The following CDO1 variants were observed in gnomAD, a reference collection of about 807,000 sequenced individuals.
The protein encoded by CDO1 is cysteine dioxygenase, type I.
CDO1 carries 19 observed loss-of-function variants against 24.5 expected under a neutral mutation model. That is an observed-to-expected ratio of 0.77 (90% CI 0.54 to 1.14). The LOEUF (loss-of-function observed/expected upper bound fraction) is 1.14. Among genes scored for constraint, CDO1 ranks in the 50% most tolerant of loss-of-function variants. CDO1 has a pLI of 0.00. For synonymous variants in CDO1, 91 were observed against 87.0 expected (o/e 1.05, Z -0.26); for missense variants, 244 against 244.8 (o/e 1.00, Z 0.02).
intron 3 of CDO1, chr5:115,809,808 T>C (rs1205959377): frequency 2.0e-5 from 3 of 152,216 alleles, no homozygotes; most frequent in South Asian, 2.1e-4. Context: ...CAAAATTTCA[T>C]ATAAAACCCA....
chr5:115,805,532 A>G, intron 4 of CDO1, 70 bp from the exon 5 acceptor site: 13 of 1,435,898 alleles, frequency 9.1e-6, no homozygotes, highest in South Asian at 1.2e-5. Flanking sequence ...CCTTCTAAAT[A>G]GTTCTGCTTT....
At chr5:115,813,288 T>A in intron 1 of CDO1, 30 bp from the exon 2 acceptor site, 1 of 1,241,858 alleles carries the variant, frequency 8.1e-7, no homozygotes, top group Non-Finnish European at 1.2e-6. Flanking sequence ...TCAGAAGTTT[T>A]AAGTTCGTTG....
chr5:115,807,995 A>G (rs1008073042), intron 3 of CDO1, among the ~76,000 whole-genome samples: 2 of 151,210 alleles, frequency 1.3e-5, no homozygotes, highest in African/African-American at 4.9e-5. Flanking sequence ...AACAAAAAAA[A>G]CAAAAACAGG....
intron 1 of CDO1, 76 bp downstream of exon 1, chr5:115,816,152 C>A: frequency 7.4e-7 from 1 of 1,346,626 alleles, no homozygotes. Context: ...TCACTTTGGG[C>A]TGCGTCCCCC....
chr5:115,816,137 G>C (rs1760430469), intron 1 of CDO1, 91 bp downstream of exon 1: 1 of 1,324,922 alleles, frequency 7.5e-7, no homozygotes, highest in African/African-American at 1.5e-5. Flanking sequence ...AGCTTCCCGA[G>C]CCAGTCACTT....
chr5:115,806,934 G>A (rs1759972824), intron 3 of CDO1, among the ~76,000 whole-genome samples: 1 of 152,154 alleles, frequency 6.6e-6, no homozygotes, highest in Admixed American at 6.5e-5. Context: ...GGTACTTCTG[G>A]AAATGAGGGT....
Position 115,806,403 on chromosome 5 carries a change from A to C in CDO1, c.519T>G (p.His173Gln). 6.2e-7 allele frequency: 1 copy of C among 1,609,974 alleles called. No individual in the cohort carries two copies. The highest frequency in any genetic ancestry group is 8.5e-7 in the Non-Finnish European group (1 of 1,178,866). The change falls in exon 4 of 5, where the codon CAT (histidine) becomes CAG (glutamine). Residue 173 changes from histidine (H) to glutamine (Q), a missense_variant. By Grantham distance (24) the His-to-Gln change is conservative. Transcript: ENST00000250535. ...TCHAFDQRTG[H>Q]KNKVTMTFHS... ...GGAATGTCATTGTGACTTTGTTTTT[A>C]TGTCCTGTTCTTTGATCAAAGGCAT...
Position 115,816,656 on chromosome 5 carries a change from C to A in CDO1, c.-259G>T. The stretch of plus-strand genomic sequence containing the variant: ...GTGCACACACAAATCAGGTTCAGAT[C>A]TGTGGGGTTCATCCTCCCGGGCCCC... On this transcript the variant is annotated 5_prime_UTR_variant, in exon 1 of 5. Transcript: ENST00000250535. 2.1e-6 allele frequency: 1 copy of A among 477,336 alleles called. No individual in the cohort carries two copies. Among genetic ancestry groups the A allele is most frequent in the Non-Finnish European group, 3.8e-6 (1 of 261,298 alleles). The allele number at this position is 477,336 out of a possible 1,614,324, so 29.6% of individuals were successfully genotyped here. A position where few individuals can be genotyped will look rare whatever the true frequency, so the allele number is the denominator to read the frequency against.
At chr5:115,807,234 T>C (rs1469109678) in intron 3 of CDO1, among the ~76,000 whole-genome samples, 1 of 152,256 alleles carries the variant, frequency 6.6e-6, no homozygotes, top group Non-Finnish European at 1.5e-5. Flanking sequence ...AGGAAGCAAC[T>C]TCTCAGAGAA....
intron 3 of CDO1, among the ~76,000 whole-genome samples, chr5:115,808,892 A>C (rs1391337163): frequency 2.0e-5 from 3 of 152,204 alleles, no homozygotes; most frequent in Non-Finnish European, 4.4e-5. Context: ...TTTATGATCT[A>C]GCTCCATGAG....
In CDO1 at chr5:115,805,514, T is replaced by G. The variant is rs556189819; in HGVS notation, c.574-52A>C. On this transcript the variant is annotated intron_variant, in intron 4 of 4. Coordinates refer to ENST00000250535, the MANE Select transcript of CDO1 (RefSeq NM_001801.3). The stretch of plus-strand genomic sequence containing the variant: ...TGTGTAAGAAACTTTACAAAAGACA[T>G]TTTAACTCCTTCTAAATAGTTCTGC... 32 of 1,517,104 alleles carry G rather than the reference T, an allele frequency of 2.1e-5. No individual in the cohort carries two copies. The South Asian group carries it at 3.6e-4, about 17-fold the overall frequency. 94.0% of individuals were successfully genotyped at this position (1,517,104 alleles called of 1,614,324 possible). A position where few individuals can be genotyped will look rare whatever the true frequency, so the allele number is the denominator to read the frequency against.
At chr5:115,815,454 A>C (rs1228894840) in intron 1 of CDO1, among the ~76,000 whole-genome samples, 1 of 152,158 alleles carries the variant, frequency 6.6e-6, no homozygotes, top group African/African-American at 2.4e-5. Flanking sequence ...GGATAAGATA[A>C]ATCAGATCAT....
At position 115,816,246 on chromosome 5, in the gene CDO1, G is replaced by A. The variant is rs1760437688; in HGVS notation, c.152C>T (p.Ala51Val). The change falls in exon 1 of 5, where the codon GCC becomes GTC. Residue 51 changes from alanine to valine, a missense_variant. By Grantham distance (64) the Ala-to-Val change is moderately conservative. Coordinates refer to ENST00000250535, the MANE Select transcript of CDO1 (RefSeq NM_001801.3). ...CGCTCACCTGTACTGGTCGAACTTG[G>A]CGTACATTGCCCACTCGGTGGGGTC... ...ESDPTEWAMY[A>V]KFDQYRYTRN... is the part of the protein sequence containing the mutation. 6.2e-7 allele frequency: 1 copy of A among 1,614,188 alleles called. No homozygotes were observed. The highest frequency in any genetic ancestry group is 8.5e-7 in the Non-Finnish European group (1 of 1,180,010).
In CDO1 at chr5:115,806,425, G is replaced by T. The variant is rs757126802; in HGVS notation, c.497C>A (p.Ala166Asp). 7 of 1,612,016 alleles carry T rather than the reference G, an allele frequency of 4.3e-6. No individual in the cohort carries two copies. Among genetic ancestry groups the T allele is most frequent in the South Asian group, 1.1e-5 (1 of 90,650 alleles). ...LYSPPFDTCHAFDQRTGHKNK... is the reference protein window; with the variant it reads ...LYSPPFDTCHDFDQRTGHKNK... ...TTTATGTCCTGTTCTTTGATCAAAG[G>T]CATGGCATGTATCAAAAGGTGGACT... Residue 166 changes from alanine (A) to aspartate (D), a missense_variant, in exon 4 of 5, where the codon GCC (alanine) becomes GAC (aspartate). Physicochemically the swap from Ala to Asp is moderately radical, Grantham distance 126. Coordinates refer to ENST00000250535, the MANE Select transcript of CDO1 (RefSeq NM_001801.3).
rs140651053 is a variant in CDO1 at position 115,810,642 on chromosome 5, A to G, written c.403+519T>C. ...TTAATCACTGCCTCTCTTGAAAAGT[A>G]TTTGGCTATCCCATATCCCATTTAG... On this transcript the variant is annotated intron_variant, in intron 3 of 4. Transcript: ENST00000250535. Among the ~76,000 whole-genome samples the G allele has an allele frequency of 4.5e-3, 685 of 152,340 alleles. 5 individuals are homozygous for G. The highest frequency in any genetic ancestry group is 0.02 in the South Asian group (96 of 4,834).
At chr5:115,805,580 C>G (rs1037653866) in intron 4 of CDO1, 118 bp from the exon 5 acceptor site, 3 of 839,026 alleles carry the variant, frequency 3.6e-6, no homozygotes, top group South Asian at 1.6e-5. Flanking sequence ...GGCAAGGGAG[C>G]CTTGTTGTTT....
chr5:115,806,991 A>C lies in CDO1; in HGVS notation c.404-473T>G, dbSNP rs1316349280. On this transcript the variant is annotated intron_variant, in intron 3 of 4. Coordinates refer to ENST00000250535, the MANE Select transcript of CDO1 (RefSeq NM_001801.3). ...GAACTGGTTTAAAGCTTGTTTATGA[A>C]GTAGAGTCTCAAAACCCTTTTACCA... is the stretch of plus-strand genomic sequence containing the variant. 2.6e-5 allele frequency among the ~76,000 whole-genome samples: 4 copies of C among 152,218 alleles called. No homozygotes were observed. In the South Asian group the frequency reaches 8.3e-4, roughly 32 times the overall value.
At chr5:115,806,918 G>A (rs746803735) in intron 3 of CDO1, among the ~76,000 whole-genome samples, 8 of 152,188 alleles carry the variant, frequency 5.3e-5, no homozygotes, top group Non-Finnish European at 7.3e-5. Flanking sequence ...GGAATTGACA[G>A]CACCAGGTAC....
rs1361592665 is a variant in CDO1 at position 115,816,379 on chromosome 5, G to C, written c.19C>G (p.Leu7Val). 3 of 1,613,346 alleles carry C rather than the reference G, an allele frequency of 1.9e-6. No individual in the cohort carries two copies. MEQTEV[L>V]KPRTLADLIR... ...AGATCAGCCAGGGTCCGTGGCTTCA[G>C]CACTTCGGTCTGTTCCATCTCGTGG... The change falls in exon 1 of 5, where the codon CTG (leucine) becomes GTG (valine). Residue 7 changes from leucine (L) to valine (V), a missense_variant. Coordinates refer to ENST00000250535, the MANE Select transcript of CDO1 (RefSeq NM_001801.3).
Sources: allele counts gnomAD v4.1 joint callset (sites outside exome capture counted in the v4.1 genomes callset), GRCh38; gene constraint gnomAD v4.1.1; transcripts MANE v1.5; gene names NCBI Gene and HGNC (gene_info 2026-07-23, HGNC 2026-07-21).